PTPRT: variants seen among roughly 807,000 people sequenced by gnomAD.
PTPRT encodes the protein protein tyrosine phosphatase receptor type T.
A neutral mutation model predicts 176.8 loss-of-function variants in PTPRT; 56 were observed. The observed-to-expected ratio is 0.32, with a 90% CI of 0.26 to 0.40. PTPRT has a LOEUF of 0.40. Ranked by LOEUF, PTPRT falls within the 10% of genes least tolerant of loss-of-function variation. The pLI, the probability that PTPRT is intolerant of heterozygous loss-of-function variation, is 1.00. For synonymous variants in PTPRT, 783 were observed against 739.0 expected (o/e 1.06, Z -0.96); for missense variants, 1,540 against 1,908.2 (o/e 0.81, Z 3.60).
intron 14 of PTPRT, among the ~76,000 whole-genome samples, chr20:42,246,140 G>C (rs916210728): frequency 2.2e-4 from 34 of 152,090 alleles, no homozygotes; most frequent in African/African-American, 8.0e-4. Context: ...GATCAGTGTA[G>C]TATATATTGA....
At chr20:42,883,094 G>A (rs900976440) in intron 2 of PTPRT, among the ~76,000 whole-genome samples, 13 of 152,198 alleles carry the variant, frequency 8.5e-5, no homozygotes, top group African/African-American at 2.9e-4. Flanking sequence ...GTCTTTCCTG[G>A]AGCAATGAGA....
At chr20:42,043,782 G>A in the PTPRT span, among the ~76,000 whole-genome samples, 1 of 152,142 alleles carries the variant, frequency 6.6e-6, no homozygotes, top group South Asian at 2.1e-4. Flanking sequence ...AGTGATGTTG[G>A]ACAATCGATT....
intron 1 of PTPRT, among the ~76,000 whole-genome samples, chr20:42,980,777 T>A (rs1446022278): frequency 6.6e-6 from 1 of 152,230 alleles, no homozygotes; most frequent in Non-Finnish European, 1.5e-5. Flanking sequence ...TTAGAGCGTC[T>A]ACTTTAGAAA....
chr20:42,359,818 T>C (rs1451358920), intron 9 of PTPRT, among the ~76,000 whole-genome samples: 3 of 152,192 alleles, frequency 2.0e-5, no homozygotes, highest in Non-Finnish European at 4.4e-5. Flanking sequence ...TCCCCAGCAC[T>C]GCCAGCACAG....
chr20:42,800,041 A>G (rs2077507596), intron 2 of PTPRT, among the ~76,000 whole-genome samples: 1 of 152,030 alleles, frequency 6.6e-6, no homozygotes, highest in South Asian at 2.1e-4. Flanking sequence ...CTTCTCAGTC[A>G]CTCCTCTTCT....
At position 42,078,159 on chromosome 20, in the gene PTPRT, C is replaced by G. The variant is rs1982962560; in HGVS notation, c.*2720G>C. 1 of 190,562 alleles carries G rather than the reference C, an allele frequency of 5.2e-6. No individual in the cohort carries two copies. Among genetic ancestry groups the G allele is most frequent in the Admixed American group, 6.1e-5 (1 of 16,262 alleles). The allele number at this position is 190,562 out of a possible 1,614,324, so 11.8% of individuals were successfully genotyped here. ...GAAATACACCTGGGGAGAGGCTCAT[C>G]AAAGGAAAAGAGCAAGTTCATCGTG... On this transcript the variant is annotated 3_prime_UTR_variant, in exon 31 of 31. Coordinates refer to ENST00000373187, the MANE Select transcript of PTPRT (RefSeq NM_007050.6).
intron 5 of PTPRT, among the ~76,000 whole-genome samples, chr20:42,764,510 G>C (rs2076956683): frequency 1.3e-5 from 2 of 152,200 alleles, no homozygotes. Flanking sequence ...TAAATAGAAA[G>C]CCTCCTGTAT....
intron 21 of PTPRT, 76 bp from the exon 22 acceptor site, chr20:42,115,391 G>A: frequency 8.8e-7 from 1 of 1,132,962 alleles, no homozygotes. Context: ...AGTGTGAGCA[G>A]CTGTCTCATC....
chr20:42,351,954 C>T (rs2058290392), intron 10 of PTPRT, 130 bp downstream of exon 10: 1 of 786,200 alleles, frequency 1.3e-6, no homozygotes, highest in African/African-American at 1.7e-5. Flanking sequence ...TGGTAACTCA[C>T]TAGGGACTGG....
At position 43,083,339 on chromosome 20, in the gene PTPRT, T is replaced by TAC. The variant is rs1555828940; in HGVS notation, c.88+106306_88+106307insGT. ...TCAAATGTATATATATATATATATATATATATATATATATATATATATATA... is the reference window on the plus strand; with the variant it reads ...TCAAATGTATATATATATATATATATACATATATATATATATATATATATATA... On this transcript the variant is annotated intron_variant, in intron 1 of 30. Coordinates refer to ENST00000373187, the MANE Select transcript of PTPRT (RefSeq NM_007050.6). 3.9e-3 allele frequency among the ~76,000 whole-genome samples: 430 copies of TAC among 109,200 alleles called. 17 individuals are homozygous for TAC. Among genetic ancestry groups the TAC allele is most frequent in the African/African-American group, 9.9e-3 (285 of 28,684 alleles). 71.6% of individuals were successfully genotyped at this position (109,200 alleles called of 152,430 possible).
At chr20:42,149,916 GCCC>G (rs1989048815) in intron 17 of PTPRT, among the ~76,000 whole-genome samples, 1 of 152,146 alleles carries the variant, frequency 6.6e-6, no homozygotes, top group Admixed American at 6.5e-5. Context: ...ACAGAGCTGA[GCCC>G]ATGGGAGGCT....
At chr20:42,356,289 C>G (rs1193009024) in intron 9 of PTPRT, among the ~76,000 whole-genome samples, 1 of 152,080 alleles carries the variant, frequency 6.6e-6, no homozygotes, top group Non-Finnish European at 1.5e-5. Flanking sequence ...GCACATCAAC[C>G]CTGGGCTCCT....
intron 9 of PTPRT, among the ~76,000 whole-genome samples, chr20:42,363,143 TTAAAAAAAAGAACAA>T (rs1448467567): frequency 6.9e-6 from 1 of 145,552 alleles, no homozygotes; most frequent in African/African-American, 2.5e-5. Flanking sequence ...AATATTTTTT[TTAAAAAAAAGAACAA>T]AAAATGTGCA....
chr20:42,756,772 A>ACTGTGCCTGGCT, intron 5 of PTPRT, 136 bp from the exon 6 acceptor site: 1 of 740,808 alleles, frequency 1.3e-6, no homozygotes, highest in Non-Finnish European at 2.0e-6. Flanking sequence ...ATTTCCAGCC[A>ACTGTGCCTGGCT]GGCACAGTGG....
At chr20:42,185,280 C>T (rs1353595181) in intron 16 of PTPRT, among the ~76,000 whole-genome samples, 1 of 152,124 alleles carries the variant, frequency 6.6e-6, no homozygotes, top group South Asian at 2.1e-4. Flanking sequence ...ATGCTTCTTT[C>T]CTTTACTATT....
chr20:42,146,860 G>C (rs560163791), intron 17 of PTPRT, among the ~76,000 whole-genome samples: 11 of 152,286 alleles, frequency 7.2e-5, no homozygotes, highest in Admixed American at 3.3e-4. Flanking sequence ...TATCCTACCA[G>C]TTATAAGGTG....
At chr20:42,254,488 T>G (rs956276271) in intron 13 of PTPRT, among the ~76,000 whole-genome samples, 2 of 152,168 alleles carry the variant, frequency 1.3e-5, no homozygotes, top group Non-Finnish European at 2.9e-5. Context: ...TGAATCAGGA[T>G]TTTTCATCTT....
intron 7 of PTPRT, among the ~76,000 whole-genome samples, chr20:42,581,530 TAA>T (rs11468207): frequency 0.56 from 74,740 of 133,560 alleles, 19,317 homozygotes; most frequent in East Asian, 0.71. Flanking sequence ...GGTGGCTGCA[TAA>T]AAAAAAAAAA....
chr20:43,103,931 T>C (rs2012495010), intron 1 of PTPRT, among the ~76,000 whole-genome samples: 1 of 152,202 alleles, frequency 6.6e-6, no homozygotes, highest in Non-Finnish European at 1.5e-5. Flanking sequence ...TCTAATATCC[T>C]GTGGAAAACA....
Sources: gnomAD v4.1 joint callset for allele counts (sites outside exome capture counted in the v4.1 genomes callset) on GRCh38, gnomAD v4.1.1 for gene constraint, MANE v1.5 for transcripts, NCBI Gene and HGNC (gene_info 2026-07-23, HGNC 2026-07-21) for gene names.